The following MROH9 variants were observed in gnomAD, a reference collection of about 807,000 sequenced individuals.
MROH9 encodes maestro heat-like repeat-containing protein family member 9.
In MROH9, 92 loss-of-function variants were observed where a neutral mutation model predicts 98.2. The observed-to-expected ratio is 0.94, with a 90% confidence interval of 0.79 to 1.11. The LOEUF (loss-of-function observed/expected upper bound fraction) is 1.11, where lower values mean the gene tolerates loss of function less well. Among genes scored for constraint, MROH9 ranks in the 50% most tolerant of loss-of-function variants. MROH9 has a pLI of 0.00. For synonymous variants in MROH9, 397 were observed against 368.9 expected (o/e 1.08, Z -0.87); for missense variants, 1,057 against 1,014.8 (o/e 1.04, Z -0.57).
chr1:171,041,574 C>T (rs1308475445), intron 20 of MROH9, among the ~76,000 whole-genome samples: 5 of 151,314 alleles, frequency 3.3e-5, no homozygotes, highest in African/African-American at 7.3e-5. Flanking sequence ...TGTTTTTCTT[C>T]GATTAGATAC....
Position 171,064,566 on chromosome 1 carries a change from A to T in MROH9, c.*226A>T, listed in dbSNP as rs1372840998. ...TGCCTCTGTATGTCTGACAGTGATC[A>T]GAAGCCCTATTTCATCAAAACCACT... On this transcript the variant is annotated 3_prime_UTR_variant, in exon 22 of 22. Transcript: ENST00000367759. 1.6e-5 allele frequency: 7 copies of T among 437,336 alleles called. No homozygotes were observed. The highest frequency in any genetic ancestry group is 2.8e-5 in the Non-Finnish European group (7 of 251,770). 27.1% of individuals were successfully genotyped at this position (437,336 alleles called of 1,614,324 possible). A position where few individuals can be genotyped will look rare whatever the true frequency, so the allele number is the denominator to read the frequency against.
chr1:170,967,230 T>C (rs1650268351), intron 7 of MROH9, among the ~76,000 whole-genome samples: 1 of 152,176 alleles, frequency 6.6e-6, no homozygotes, highest in Non-Finnish European at 1.5e-5. Flanking sequence ...GGTTCTGCAA[T>C]GTTCACTAAG....
In MROH9 at chr1:170,945,919, G is replaced by A. The variant is rs75382628; in HGVS notation, c.25+338G>A. Among the ~76,000 whole-genome samples, 1,101 of 151,992 alleles carry A rather than the reference G, an allele frequency of 7.2e-3. 21 individuals are homozygous for A. The highest frequency in any genetic ancestry group is 0.025 in the African/African-American group (1,040 of 41,498). ...TTTAAACAATTCTTGAGTCAAAGAG[G>A]AAATTAATAGGAAATTACAAAGTAT... is the stretch of plus-strand genomic sequence containing the variant. On this transcript the variant is annotated intron_variant, in intron 2 of 21. Transcript: ENST00000367759.
At chr1:171,030,610 T>C (rs937411220) in intron 20 of MROH9, among the ~76,000 whole-genome samples, 1 of 152,220 alleles carries the variant, frequency 6.6e-6, no homozygotes, top group Non-Finnish European at 1.5e-5. Context: ...GTGAGTTTCT[T>C]AATCCTGAGT....
At chr1:170,950,313 A>T (rs1488513519) in intron 3 of MROH9, among the ~76,000 whole-genome samples, 1 of 152,112 alleles carries the variant, frequency 6.6e-6, no homozygotes, top group Non-Finnish European at 1.5e-5. Context: ...GACTGTATTA[A>T]TAACCAAAAA....
At position 171,014,250 on chromosome 1, in the gene MROH9, A is replaced by G. The variant is rs1265779444; in HGVS notation, c.1730A>G (p.Asn577Ser). ...ATTGTCCACATGTCACCAATTATCA[A>G]TAAGGTATGTGTATGTGATTTGTGT... is the stretch of plus-strand genomic sequence containing the variant. ...HRIVHMSPIINKTENVSSILI... is the reference protein window; with the variant it reads ...HRIVHMSPIISKTENVSSILI... The change falls in exon 16 of 22, where the codon AAT becomes AGT. Residue 577 changes from asparagine to serine, a missense_variant. Asn to Ser is a conservative substitution (Grantham distance 46, BLOSUM62 1). Transcript: ENST00000367759. 5 of 1,550,636 alleles carry G rather than the reference A, an allele frequency of 3.2e-6. No individual in the cohort carries two copies. Among genetic ancestry groups the G allele is most frequent in the South Asian group, 1.2e-5 (1 of 83,988 alleles).
At chr1:170,954,005 A>G (rs1395321391) in intron 3 of MROH9, among the ~76,000 whole-genome samples, 1 of 152,014 alleles carries the variant, frequency 6.6e-6, no homozygotes, top group East Asian at 1.9e-4. Context: ...TGAATGCATA[A>G]CTTACATTGT....
chr1:171,014,498 C>T (rs185947584), intron 16 of MROH9, among the ~76,000 whole-genome samples: 37 of 150,988 alleles, frequency 2.5e-4, no homozygotes, highest in African/African-American at 8.1e-4. Flanking sequence ...TCATTGCACT[C>T]AGAATGTATT....
At position 171,014,006 on chromosome 1, in the gene MROH9, G is replaced by A. The variant is rs922185162; in HGVS notation, c.1597-111G>A. On this transcript the variant is annotated intron_variant, in intron 15 of 21. Coordinates refer to ENST00000367759, the MANE Select transcript of MROH9 (RefSeq NM_001163629.2). Reference sequence around the variant, plus strand: ...GAGCACTGAAATATATGTATTTGATGTTTTAGTGAGATTTGCATTCTAGTT... The same window carrying A: ...GAGCACTGAAATATATGTATTTGATATTTTAGTGAGATTTGCATTCTAGTT... The A allele has an allele frequency of 5.9e-6, 5 of 850,216 alleles. No individual in the cohort carries two copies. The African/African-American group carries it at 6.8e-5, about 12-fold the overall frequency. 52.7% of individuals were successfully genotyped at this position (850,216 alleles called of 1,614,324 possible). A position where few individuals can be genotyped will look rare whatever the true frequency, so the allele number is the denominator to read the frequency against.
chr1:171,058,605 C>T (rs1653921307), intron 20 of MROH9, among the ~76,000 whole-genome samples: 1 of 152,126 alleles, frequency 6.6e-6, no homozygotes, highest in Non-Finnish European at 1.5e-5. Flanking sequence ...TACTACAAGG[C>T]TACAGTAACC....
Position 171,024,545 on chromosome 1 carries a change from G to A in MROH9, c.2059G>A (p.Glu687Lys). 6.5e-7 allele frequency: 1 copy of A among 1,528,948 alleles called. No homozygotes were observed. The highest frequency in any genetic ancestry group is 1.3e-5 in the South Asian group (1 of 79,548). 94.7% of individuals were successfully genotyped at this position (1,528,948 alleles called of 1,614,324 possible). Residue 687 changes from glutamate (E) to lysine (K), a missense_variant and splice_region_variant, in exon 18 of 22, where the codon GAA becomes AAA. Glu to Lys is a moderately conservative substitution (Grantham distance 56). Transcript: ENST00000367759. ...FLEDDDKRVA[E>K]ACKYTLKICT... ...GGAGGATGATGATAAAAGAGTAGCT[G>A]AAGTAAGTCATTTGATCTTCTTTTT...
intron 15 of MROH9, among the ~76,000 whole-genome samples, chr1:171,009,625 G>A (rs796279290): frequency 2.6e-4 from 39 of 152,312 alleles, no homozygotes; most frequent in African/African-American, 8.4e-4. Context: ...ATAAACTCAC[G>A]ATTTAAAGAA....
intron 11 of MROH9, 45 bp downstream of exon 11, chr1:170,990,048 C>A: frequency 6.4e-7 from 1 of 1,553,482 alleles, no homozygotes; most frequent in Non-Finnish European, 8.8e-7. Context: ...GGCTTGTTCA[C>A]AGGCTGCACT....
chr1:171,044,195 T>C (rs1343242056), intron 20 of MROH9, among the ~76,000 whole-genome samples: 1 of 152,208 alleles, frequency 6.6e-6, no homozygotes, highest in African/African-American at 2.4e-5. Flanking sequence ...AATTATCAAA[T>C]GCTTCTTCAG....
chr1:171,040,520 TA>T (rs1258194118), intron 20 of MROH9, among the ~76,000 whole-genome samples: 1 of 152,130 alleles, frequency 6.6e-6, no homozygotes, highest in Non-Finnish European at 1.5e-5. Flanking sequence ...AATGTTATGT[TA>T]TATACCTTAA....
intron 20 of MROH9, among the ~76,000 whole-genome samples, chr1:171,042,213 T>C (rs61381927): frequency 0.21 from 32,454 of 151,954 alleles, 5,429 homozygotes; most frequent in African/African-American, 0.47. Context: ...ATTTTTAGAT[T>C]CCACAAATAA....
At chr1:171,005,941 T>C (rs1420483009) in intron 15 of MROH9, among the ~76,000 whole-genome samples, 1 of 152,268 alleles carries the variant, frequency 6.6e-6, no homozygotes, top group Admixed American at 6.5e-5. Flanking sequence ...TTAACTTTTA[T>C]ATGAGAGTTA....
chr1:170,989,453 C>T (rs978419013), intron 10 of MROH9, among the ~76,000 whole-genome samples: 1 of 152,128 alleles, frequency 6.6e-6, no homozygotes, highest in Middle Eastern at 3.2e-3. Flanking sequence ...GGATTCAAAT[C>T]GTCTTTAACT....
chr1:170,955,283 G>T (rs530468803), intron 3 of MROH9, among the ~76,000 whole-genome samples: 3 of 152,102 alleles, frequency 2.0e-5, no homozygotes, highest in Non-Finnish European at 4.4e-5. Context: ...AAACGTGCTT[G>T]TGCCAGTTTC....
Sources: allele counts gnomAD v4.1 joint callset (sites outside exome capture counted in the v4.1 genomes callset), GRCh38; gene constraint gnomAD v4.1.1; transcripts MANE v1.5; gene names NCBI Gene and HGNC (gene_info 2026-07-23, HGNC 2026-07-21).